Variants in FBLIM1 observed in about 807,000 individuals in gnomAD.
FBLIM1 encodes filamin binding LIM protein 1, also known as filamin-binding LIM protein 1.
FBLIM1 carries 29 observed loss-of-function variants against 37.4 expected under a neutral mutation model. That is an observed-to-expected ratio of 0.77 (90% CI 0.58 to 1.06). The LOEUF (loss-of-function observed/expected upper bound fraction) is 1.06, where lower values mean the gene tolerates loss of function less well. Ranked by LOEUF, FBLIM1 falls within the 50% of genes least tolerant of loss-of-function variation. The pLI, the probability that FBLIM1 is intolerant of heterozygous loss-of-function variation, is 0.00. For synonymous variants in FBLIM1, 193 were observed against 199.0 expected (o/e 0.97, Z 0.25); for missense variants, 449 against 505.6 (o/e 0.89, Z 1.07).
At chr1:15,778,363 G>A (rs1487886951) in intron 8 of FBLIM1, among the ~76,000 whole-genome samples, 2 of 152,000 alleles carry the variant, frequency 1.3e-5, no homozygotes, top group Non-Finnish European at 2.9e-5. Flanking sequence ...TCACGAGTTC[G>A]AGACCAGCCT....
intron 8 of FBLIM1, among the ~76,000 whole-genome samples, chr1:15,779,599 G>A (rs970219188): frequency 9.9e-5 from 15 of 152,216 alleles, no homozygotes; most frequent in African/African-American, 2.6e-4. Flanking sequence ...CACTGCACCC[G>A]GCCAGAAGTG....
chr1:15,769,774 T>C (rs1197738811), intron 5 of FBLIM1, among the ~76,000 whole-genome samples: 1 of 151,922 alleles, frequency 6.6e-6, no homozygotes, highest in African/African-American at 2.4e-5. Context: ...GTACTGGGAC[T>C]ACAGGCGCCC....
chr1:15,771,247 T>C (rs1368879361), intron 6 of FBLIM1, among the ~76,000 whole-genome samples: 3 of 96,546 alleles, frequency 3.1e-5, no homozygotes, highest in Non-Finnish European at 4.5e-5. Flanking sequence ...CTGTTTTTTT[T>C]TGTTTTTTTT....
intron 7 of FBLIM1, 149 bp downstream of exon 7, chr1:15,774,945 G>C (rs376011206): frequency 1.3e-6 from 2 of 1,523,686 alleles, no homozygotes; most frequent in Non-Finnish European, 1.8e-6. Context: ...TGGGCTGGGC[G>C]CGGTGGCTCA....
At chr1:15,761,483 G>A (rs923901056) in intron 1 of FBLIM1, among the ~76,000 whole-genome samples, 2 of 152,256 alleles carry the variant, frequency 1.3e-5, no homozygotes, top group South Asian at 2.1e-4. Flanking sequence ...GGCCTGGCAC[G>A]AAACAAGTGC....
intron 3 of FBLIM1, among the ~76,000 whole-genome samples, chr1:15,766,103 A>AT (rs376175963): frequency 0.027 from 3,933 of 146,476 alleles, 138 homozygotes; most frequent in African/African-American, 0.084. Context: ...GAGAATTTGC[A>AT]TTTTTTTTTT....
intron 6 of FBLIM1, among the ~76,000 whole-genome samples, chr1:15,774,027 C>T (rs183876620): frequency 6.6e-6 from 1 of 152,060 alleles, no homozygotes; most frequent in Non-Finnish European, 1.5e-5. Context: ...CCCAGCTACT[C>T]AGGAGGCTGA....
intron 6 of FBLIM1, among the ~76,000 whole-genome samples, chr1:15,771,272 A>C (rs1287524574): frequency 7.3e-6 from 1 of 136,324 alleles, no homozygotes; most frequent in African/African-American, 2.8e-5. Flanking sequence ...TTTAAGATGG[A>C]GGCTCATTCT....
intron 6 of FBLIM1, among the ~76,000 whole-genome samples, chr1:15,771,772 G>T (rs2069227366): frequency 6.6e-6 from 1 of 151,618 alleles, no homozygotes; most frequent in South Asian, 2.1e-4. Flanking sequence ...TAACATTCGG[G>T]GTCCAGAGAT....
chr1:15,768,675 C>G (rs572074965), intron 5 of FBLIM1, 45 bp downstream of exon 5: 3 of 1,471,808 alleles, frequency 2.0e-6, no homozygotes, highest in African/African-American at 1.4e-5. Context: ...TCTCATGGGG[C>G]CAGCATGGGC....
intron 1 of FBLIM1, among the ~76,000 whole-genome samples, chr1:15,759,304 A>G (rs1400244775): frequency 6.6e-6 from 1 of 152,080 alleles, no homozygotes; most frequent in African/African-American, 2.4e-5. Flanking sequence ...TTTCCTAGCC[A>G]GGGTCAGGCA....
chr1:15,763,475 AC>A (rs1376238843), intron 1 of FBLIM1, among the ~76,000 whole-genome samples: 8 of 151,022 alleles, frequency 5.3e-5, no homozygotes, highest in Admixed American at 5.3e-4. Flanking sequence ...TACTAAAAAT[AC>A]AAAAACAAAA....
chr1:15,765,418 G>A lies in FBLIM1; in HGVS notation c.250+185G>A, dbSNP rs2068869171. Among the ~76,000 whole-genome samples the A allele has an allele frequency of 6.6e-6, 1 of 152,156 alleles. No individual in the cohort carries two copies. The highest frequency in any genetic ancestry group is 1.9e-4 in the East Asian group (1 of 5,190). On this transcript the variant is annotated intron_variant, in intron 3 of 8. Transcript: ENST00000375766. This position sits in a 1 kb window ranked among gnomAD's most constrained non-coding sequence, Gnocchi z 5.9. ...CCCGGGAAATAGAGGCTAGATGTCA[G>A]AATTTCCGGGACATTTTCATGGGTT...
At chr1:15,783,107 C>T (rs181922619) in intron 8 of FBLIM1, among the ~76,000 whole-genome samples, 1 of 152,080 alleles carries the variant, frequency 6.6e-6, no homozygotes, top group East Asian at 1.9e-4. Flanking sequence ...TATAAGGACT[C>T]TTTTGTGGGA....
At chr1:15,764,896 C>T (rs1434336394) in intron 2 of FBLIM1, 68 bp from the exon 3 acceptor site, 21 of 1,508,734 alleles carry the variant, frequency 1.4e-5, no homozygotes, top group African/African-American at 2.8e-5. Context: ...GGGAGGCTCT[C>T]TCCTCTCGGG....
chr1:15,765,126 C>T lies in FBLIM1; in HGVS notation c.143C>T (p.Pro48Leu). ...RRGRPWEAPA[P>L]MKTPEAGLAG... ...GGCCGCCCCTGGGAGGCTCCTGCCC[C>T]CATGAAGACACCCGAGGCTGGCTTG... The change falls in exon 3 of 9, where the codon CCC becomes CTC. Residue 48 changes from proline (P) to leucine (L), a missense_variant. Transcript: ENST00000375766. This position sits in a 1 kb window ranked among gnomAD's most constrained non-coding sequence, Gnocchi z 5.9. The T allele has an allele frequency of 6.2e-7, 1 of 1,613,902 alleles. No individual in the cohort carries two copies. Among genetic ancestry groups the T allele is most frequent in the African/African-American group, 1.3e-5 (1 of 75,060 alleles).
chr1:15,782,956 C>T (rs561399493), intron 8 of FBLIM1, among the ~76,000 whole-genome samples: 24 of 152,098 alleles, frequency 1.6e-4, no homozygotes, highest in East Asian at 9.7e-4. Flanking sequence ...CCACCACGCC[C>T]GGCTAATTTT....
intron 8 of FBLIM1, among the ~76,000 whole-genome samples, chr1:15,777,637 G>A (rs1017187699): frequency 5.4e-5 from 8 of 148,772 alleles, no homozygotes; most frequent in African/African-American, 1.7e-4. Context: ...GAAGTGGTGC[G>A]ATCTCAGCTC....
At chr1:15,759,560 G>GC (rs111579388) in intron 1 of FBLIM1, among the ~76,000 whole-genome samples, 2,033 of 152,266 alleles carry the variant, frequency 0.013, 21 homozygotes, top group African/African-American at 0.032. Context: ...GCCGAGCCCA[G>GC]CCCCCGGGCT....
Sources: allele counts gnomAD v4.1 joint callset (sites outside exome capture counted in the v4.1 genomes callset), GRCh38; gene constraint gnomAD v4.1.1; non-coding constraint Gnocchi (gnomAD v3.1); transcripts MANE v1.5; gene names NCBI Gene and HGNC (gene_info 2026-07-23, HGNC 2026-07-21).